The following ELAPOR2 variants were observed in gnomAD, a reference collection of about 807,000 sequenced individuals.
ELAPOR2 encodes the protein endosome-lysosome associated apoptosis and autophagy regulator family member 2.
Under a neutral mutation model 120.7 loss-of-function variants are expected in ELAPOR2, and 89 were observed. That is an observed-to-expected ratio of 0.74 (90% confidence interval 0.62 to 0.88). ELAPOR2 has a LOEUF of 0.88. Among genes scored for constraint, ELAPOR2 ranks in the 40% least tolerant of loss-of-function variants. The pLI, the probability that ELAPOR2 is intolerant of heterozygous loss-of-function variation, is 0.00. For missense variants in ELAPOR2, 1,134 were observed against 1,251.6 expected, an observed-to-expected ratio of 0.91 and a Z score of 1.42; for synonymous variants, 444 against 444.9, an observed-to-expected ratio of 1.00 and a Z score of 0.03.
At chr7:86,944,863 C>T (rs1790938618) in intron 4 of ELAPOR2, 36 bp downstream of exon 4, 2 of 1,494,692 alleles carry the variant, frequency 1.3e-6, no homozygotes, top group Admixed American at 5.1e-5. Context: ...ATGAATGTCC[C>T]TTAAAAAGTA....
intron 1 of ELAPOR2, among the ~76,000 whole-genome samples, chr7:86,986,608 G>A (rs10258093): frequency 0.36 from 51,474 of 143,368 alleles, 10,091 homozygotes; most frequent in African/African-American, 0.51. Flanking sequence ...TGCTTCAAAG[G>A]GAATAAAATA....
intron 10 of ELAPOR2, among the ~76,000 whole-genome samples, chr7:86,925,075 G>T (rs1047375416): frequency 2.0e-5 from 3 of 151,954 alleles, no homozygotes; most frequent in African/African-American, 4.8e-5. Flanking sequence ...TCAATAGGTA[G>T]AATTCATATA....
chr7:86,885,401 T>A (rs1012425147), intron 21 of ELAPOR2, among the ~76,000 whole-genome samples: 8 of 152,112 alleles, frequency 5.3e-5, no homozygotes, highest in Non-Finnish European at 8.8e-5. Context: ...GCATTGGAAG[T>A]TGGTTGGATC....
intron 1 of ELAPOR2, among the ~76,000 whole-genome samples, chr7:86,972,242 G>C (rs1035695948): frequency 2.0e-5 from 3 of 152,062 alleles, no homozygotes; most frequent in Non-Finnish European, 4.4e-5. Flanking sequence ...TGGTTGTATC[G>C]CTCATCAGAA....
chr7:86,968,961 C>T (rs531259888), intron 1 of ELAPOR2, among the ~76,000 whole-genome samples: 1 of 152,114 alleles, frequency 6.6e-6, no homozygotes, highest in Non-Finnish European at 1.5e-5. Context: ...CAATAAAATT[C>T]CCTATAAACC....
At chr7:86,902,307 G>T (rs1291344056) in intron 18 of ELAPOR2, among the ~76,000 whole-genome samples, 1 of 152,110 alleles carries the variant, frequency 6.6e-6, no homozygotes, top group African/African-American at 2.4e-5. Flanking sequence ...CTCCTGAGTA[G>T]CTGGGATTAC....
In ELAPOR2 at chr7:86,964,885, T is replaced by C. The variant is rs1213169552; in HGVS notation, c.310+19A>G. 3 of 1,551,104 alleles carry C rather than the reference T, an allele frequency of 1.9e-6. No homozygotes were observed. Among genetic ancestry groups the C allele is most frequent in the Admixed American group, 2.0e-5 (1 of 50,946 alleles). ...ATTGTTTAATCAAGAAAACAAATGG[T>C]CAAAATGACAAAACATACTGCATTC... On this transcript the variant is annotated intron_variant, in intron 2 of 21. Transcript: ENST00000450689.
At chr7:86,987,787 G>A (rs1163907675) in intron 1 of ELAPOR2, among the ~76,000 whole-genome samples, 4 of 152,190 alleles carry the variant, frequency 2.6e-5, no homozygotes, top group Admixed American at 2.0e-4. Context: ...AAGACAGTGT[G>A]ATGATTCCTC....
intron 16 of ELAPOR2, 25 bp downstream of exon 16, chr7:86,909,787 C>CAT: frequency 6.4e-7 from 1 of 1,557,432 alleles, no homozygotes; most frequent in Non-Finnish European, 8.8e-7. Flanking sequence ...TGTATGCATG[C>CAT]ATATATGAAC....
intron 21 of ELAPOR2, among the ~76,000 whole-genome samples, chr7:86,885,055 A>G (rs1017185640): frequency 1.3e-5 from 2 of 152,202 alleles, no homozygotes; most frequent in Admixed American, 6.6e-5. Context: ...GAAGTTCACT[A>G]GAGAATGAGA....
intron 1 of ELAPOR2, among the ~76,000 whole-genome samples, chr7:86,989,355 G>A (rs1257828746): frequency 6.6e-6 from 1 of 152,122 alleles, no homozygotes; most frequent in East Asian, 1.9e-4. Context: ...TGTCTACCTT[G>A]GCTCACAATT....
chr7:86,979,541 C>T (rs1278449740), intron 1 of ELAPOR2, among the ~76,000 whole-genome samples: 2 of 152,216 alleles, frequency 1.3e-5, no homozygotes, highest in African/African-American at 4.8e-5. Flanking sequence ...GCTGTTAAAA[C>T]TAATTGATTA....
Position 86,914,641 on chromosome 7 carries a change from T to C in ELAPOR2, c.1731+82A>G. 2.5e-6 allele frequency: 3 copies of C among 1,179,982 alleles called. No individual in the cohort carries two copies. In the South Asian group the frequency reaches 6.0e-5, roughly 24 times the overall value. 73.1% of individuals were successfully genotyped at this position (1,179,982 alleles called of 1,614,324 possible). ...AAAAAGCAGTCCTTTCTTCCAAATT[T>C]GAGTTATCACTTTGTATGCATCTCC... On this transcript the variant is annotated intron_variant, in intron 13 of 21. Coordinates refer to ENST00000450689, the MANE Select transcript of ELAPOR2 (RefSeq NM_001142749.3).
At chr7:86,929,071 A>C (rs1257223620) in intron 8 of ELAPOR2, among the ~76,000 whole-genome samples, 4 of 151,902 alleles carry the variant, frequency 2.6e-5, no homozygotes, top group African/African-American at 9.7e-5. Flanking sequence ...AATAAAGCAA[A>C]ATTTACCAGT....
intron 18 of ELAPOR2, among the ~76,000 whole-genome samples, chr7:86,901,923 G>T (rs750812059): frequency 6.6e-5 from 10 of 152,110 alleles, no homozygotes; most frequent in Non-Finnish European, 1.2e-4. Flanking sequence ...AAATTTTTTT[G>T]CCCTGAGGCT....
At chr7:87,037,461 C>T (rs1328814831) in intron 1 of ELAPOR2, among the ~76,000 whole-genome samples, 5 of 151,942 alleles carry the variant, frequency 3.3e-5, no homozygotes, top group Non-Finnish European at 7.4e-5. Flanking sequence ...AAATGTATCA[C>T]TCGGTTGCAG....
At chr7:86,892,394 T>C (rs1788208764) in intron 20 of ELAPOR2, among the ~76,000 whole-genome samples, 2 of 152,116 alleles carry the variant, frequency 1.3e-5, no homozygotes, top group Admixed American at 1.3e-4. Context: ...GTGTAAATCA[T>C]TCTAAAAGAT....
intron 1 of ELAPOR2, among the ~76,000 whole-genome samples, chr7:86,974,688 A>ACT (rs968072070): frequency 1.3e-5 from 2 of 150,788 alleles, no homozygotes; most frequent in Non-Finnish European, 2.9e-5. Flanking sequence ...AAGTGATGTG[A>ACT]CTATCTTTAT....
At chr7:86,985,525 G>A (rs1005540967) in intron 1 of ELAPOR2, among the ~76,000 whole-genome samples, 1 of 152,156 alleles carries the variant, frequency 6.6e-6, no homozygotes, top group Non-Finnish European at 1.5e-5. Flanking sequence ...GGAATGCAAG[G>A]CTGGTTCAAC....
Sources: allele counts gnomAD v4.1 joint callset (sites outside exome capture counted in the v4.1 genomes callset), GRCh38; gene constraint gnomAD v4.1.1; transcripts MANE v1.5; gene names NCBI Gene and HGNC (gene_info 2026-07-23, HGNC 2026-07-21).